CTNNA3: variants seen among roughly 807,000 people sequenced by gnomAD.
CTNNA3 encodes the protein catenin alpha-3.
Under a neutral mutation model 95.7 loss-of-function variants are expected in CTNNA3, and 76 were observed. The observed-to-expected ratio is 0.79, with a 90% confidence interval of 0.66 to 0.96. CTNNA3 has a LOEUF of 0.96. Ranked by LOEUF, CTNNA3 falls within the 40% of genes least tolerant of loss-of-function variation. CTNNA3 has a pLI of 0.00. For missense variants in CTNNA3, 1,191 were observed against 1,089.8 expected, an observed-to-expected ratio of 1.09 and a Z score of -1.31; for synonymous variants, 431 against 374.4, an observed-to-expected ratio of 1.15 and a Z score of -1.74.
intron 13 of CTNNA3, among the ~76,000 whole-genome samples, chr10:66,118,032 T>C (rs1415921599): frequency 6.6e-6 from 1 of 152,204 alleles, no homozygotes; most frequent in Admixed American, 6.5e-5. Flanking sequence ...TCTGACTGAA[T>C]TGGCATGGAC....
intron 7 of CTNNA3, among the ~76,000 whole-genome samples, chr10:66,941,363 T>C (rs554333597): frequency 6.6e-6 from 1 of 152,324 alleles, no homozygotes; most frequent in Admixed American, 6.5e-5. Flanking sequence ...ATTATCAAGA[T>C]TTATGACATA....
At chr10:66,142,510 C>T (rs2083671701) in intron 13 of CTNNA3, among the ~76,000 whole-genome samples, 1 of 152,038 alleles carries the variant, frequency 6.6e-6, no homozygotes, top group South Asian at 2.1e-4. Flanking sequence ...TACATATATA[C>T]TTTCAAGTCA....
intron 5 of CTNNA3, among the ~76,000 whole-genome samples, chr10:67,363,154 G>A (rs952309443): frequency 9.9e-5 from 15 of 151,980 alleles, no homozygotes; most frequent in African/African-American, 3.6e-4. Flanking sequence ...CCTGCTTATT[G>A]ACAGAAAGAA....
intron 13 of CTNNA3, among the ~76,000 whole-genome samples, chr10:66,186,865 C>G (rs978661888): frequency 6.6e-6 from 1 of 152,084 alleles, no homozygotes; most frequent in South Asian, 2.1e-4. Flanking sequence ...TTTTAGGACT[C>G]TGGAGATTAA....
chr10:66,167,847 A>T (rs142028124), intron 13 of CTNNA3, among the ~76,000 whole-genome samples: 1 of 152,194 alleles, frequency 6.6e-6, no homozygotes, highest in Non-Finnish European at 1.5e-5. Flanking sequence ...AGGAGTCCCA[A>T]GGCACAGGTA....
chr10:66,605,206 C>A (rs1321579638), intron 10 of CTNNA3, among the ~76,000 whole-genome samples: 3 of 152,054 alleles, frequency 2.0e-5, no homozygotes, highest in Non-Finnish European at 2.9e-5. Context: ...AGGAAAGAAT[C>A]TCAGAGGCTG....
chr10:66,599,406 TGACA>T (rs1044856907), intron 10 of CTNNA3, among the ~76,000 whole-genome samples: 1 of 152,036 alleles, frequency 6.6e-6, no homozygotes, highest in African/African-American at 2.4e-5. Context: ...TCTGGAATGC[TGACA>T]GACAGTTTTG....
At chr10:67,258,486 T>G (rs1866451500) in intron 5 of CTNNA3, among the ~76,000 whole-genome samples, 1 of 152,132 alleles carries the variant, frequency 6.6e-6, no homozygotes, top group Non-Finnish European at 1.5e-5. Flanking sequence ...TACCCAAATT[T>G]TCTTAAAGTA....
At chr10:67,692,037 C>A (rs1236436225) in intron 1 of CTNNA3, among the ~76,000 whole-genome samples, 1 of 146,420 alleles carries the variant, frequency 6.8e-6, no homozygotes, top group Non-Finnish European at 1.5e-5. Flanking sequence ...AGCCCCTCTG[C>A]CCGGCCAGCC....
chr10:66,819,696 C>T (rs1842229806), intron 7 of CTNNA3, among the ~76,000 whole-genome samples: 1 of 152,134 alleles, frequency 6.6e-6, no homozygotes, highest in Non-Finnish European at 1.5e-5. Context: ...TTTGACTAAA[C>T]ATTTTTCTAG....
intron 7 of CTNNA3, among the ~76,000 whole-genome samples, chr10:67,038,333 A>G (rs1252007818): frequency 6.6e-6 from 1 of 152,064 alleles, no homozygotes; most frequent in African/African-American, 2.4e-5. Flanking sequence ...TGCTTTTAAT[A>G]TTTTAGTTTA....
intron 6 of CTNNA3, among the ~76,000 whole-genome samples, chr10:67,215,526 T>A (rs1864319256): frequency 6.6e-6 from 1 of 152,086 alleles, no homozygotes; most frequent in Admixed American, 6.6e-5. Flanking sequence ...GATAAGGCAA[T>A]TTTAAACTAG....
At chr10:66,826,345 C>T (rs779581821) in intron 7 of CTNNA3, among the ~76,000 whole-genome samples, 1 of 152,070 alleles carries the variant, frequency 6.6e-6, no homozygotes, top group South Asian at 2.1e-4. Context: ...GGTAGGATCA[C>T]AGTTCACTGC....
intron 1 of CTNNA3, among the ~76,000 whole-genome samples, chr10:67,670,065 G>T (rs199929323): frequency 2.0e-5 from 3 of 152,124 alleles, no homozygotes; most frequent in Non-Finnish European, 4.4e-5. Flanking sequence ...ATAGAATACC[G>T]AACTAAACAC....
rs569158361 is a variant in CTNNA3, at chr10:67,579,723, C to T, written c.292+27134G>A. Among the ~76,000 whole-genome samples, 5 of 152,222 alleles carry T rather than the reference C, an allele frequency of 3.3e-5. No individual in the cohort carries two copies. The East Asian group carries it at 9.7e-4, about 29-fold the overall frequency. ...CATCCTCTCCAGCACCTGTTGTTTC[C>T]TGACTTTTTAATGATCACCATTCTA... On this transcript the variant is annotated intron_variant, in intron 3 of 17. Transcript: ENST00000433211.
At chr10:66,615,159 C>T (rs1370091972) in intron 10 of CTNNA3, among the ~76,000 whole-genome samples, 3 of 151,960 alleles carry the variant, frequency 2.0e-5, no homozygotes, top group Non-Finnish European at 4.4e-5. Context: ...TTGATGTGGA[C>T]ATTCCTGTGC....
chr10:66,582,589 A>G (rs143439408), intron 10 of CTNNA3, among the ~76,000 whole-genome samples: 3 of 151,952 alleles, frequency 2.0e-5, no homozygotes, highest in African/African-American at 7.2e-5. Context: ...GCAAACAAAG[A>G]TAATTTGACT....
At chr10:66,826,935 T>A (rs1193802012) in intron 7 of CTNNA3, among the ~76,000 whole-genome samples, 1 of 152,206 alleles carries the variant, frequency 6.6e-6, no homozygotes, top group African/African-American at 2.4e-5. Context: ...GGCTCTTTCA[T>A]CTGGAGACAG....
chr10:66,064,206 C>A (rs901961975), intron 15 of CTNNA3, among the ~76,000 whole-genome samples: 2 of 152,114 alleles, frequency 1.3e-5, no homozygotes, highest in Non-Finnish European at 2.9e-5. Flanking sequence ...ACCATCAGAT[C>A]TCCTGATAAC....
Sources: gnomAD v4.1 joint callset for allele counts (sites outside exome capture counted in the v4.1 genomes callset) on GRCh38, gnomAD v4.1.1 for gene constraint, MANE v1.5 for transcripts, NCBI Gene and HGNC (gene_info 2026-07-23, HGNC 2026-07-21) for gene names.